Variants in ESRRG observed in about 807,000 individuals in gnomAD.
The protein encoded by ESRRG is estrogen related receptor gamma.
A neutral mutation model predicts 44.0 loss-of-function variants in ESRRG; 13 were observed. The ratio of observed to expected loss-of-function variants is 0.30; its 90% CI spans 0.19 to 0.47. ESRRG has a LOEUF of 0.47. ESRRG is among the 20% of genes least tolerant of loss of function. ESRRG has a pLI of 1.00. For missense variants in ESRRG, 395 were observed against 580.6 expected (o/e 0.68, Z 3.29); for synonymous variants, 215 against 214.6 (o/e 1.00, Z -0.02).
chr1:216,811,523 C>G (rs2094968873), intron 2 of ESRRG, among the ~76,000 whole-genome samples: 1 of 152,272 alleles, frequency 6.6e-6, no homozygotes, highest in East Asian at 1.9e-4. Flanking sequence ...TCTGCATATT[C>G]ATTATGAAGA....
intron 5 of ESRRG, among the ~76,000 whole-genome samples, chr1:216,524,192 A>C (rs1015021574): frequency 2.0e-5 from 3 of 149,548 alleles, no homozygotes; most frequent in Non-Finnish European, 3.0e-5. Context: ...CAAAATACAC[A>C]GCTCAGGGGC....
intron 3 of ESRRG, among the ~76,000 whole-genome samples, chr1:216,611,426 G>A (rs912573537): frequency 5.9e-5 from 9 of 151,812 alleles, no homozygotes; most frequent in Admixed American, 2.6e-4. Context: ...ATCTTATAAA[G>A]GTGTGTATAA....
chr1:216,525,022 G>C (rs2047211758), intron 5 of ESRRG, among the ~76,000 whole-genome samples: 1 of 152,146 alleles, frequency 6.6e-6, no homozygotes, highest in East Asian at 1.9e-4. Flanking sequence ...CCAATCATAG[G>C]AACAGAAATT....
At chr1:216,829,429 T>C (rs529358774) in intron 2 of ESRRG, among the ~76,000 whole-genome samples, 3 of 152,172 alleles carry the variant, frequency 2.0e-5, no homozygotes, top group Non-Finnish European at 4.4e-5. Context: ...GATACTATTA[T>C]TCTCATTTTA....
intron 2 of ESRRG, among the ~76,000 whole-genome samples, chr1:216,910,383 T>C (rs2060170073): frequency 6.6e-6 from 1 of 152,144 alleles, no homozygotes; most frequent in Admixed American, 6.6e-5. Flanking sequence ...ACTAATTATT[T>C]TTAGGATTTT....
At chr1:217,044,269 C>A (rs547275655) in intron 1 of ESRRG, among the ~76,000 whole-genome samples, 128 of 152,220 alleles carry the variant, frequency 8.4e-4, no homozygotes, top group Non-Finnish European at 6.3e-4. Flanking sequence ...TGTGACTAGC[C>A]ACTGCACATT....
At chr1:216,987,997 T>G (rs1423716343) in intron 1 of ESRRG, among the ~76,000 whole-genome samples, 1 of 152,092 alleles carries the variant, frequency 6.6e-6, no homozygotes, top group Non-Finnish European at 1.5e-5. Context: ...AACAAAACCT[T>G]TTATTGGCTG....
intron 1 of ESRRG, among the ~76,000 whole-genome samples, chr1:217,103,492 A>T (rs2092548196): frequency 6.6e-6 from 1 of 151,534 alleles, no homozygotes. Context: ...CAAAAAAAAA[A>T]AAAATCAAAA....
In ESRRG at chr1:216,505,613, G is replaced by C. The variant is rs949357114; in HGVS notation, c.*1326C>G. 2 of 152,526 alleles carry C rather than the reference G, an allele frequency of 1.3e-5. No homozygotes were observed. Among genetic ancestry groups the C allele is most frequent in the Non-Finnish European group, 2.9e-5 (2 of 68,034 alleles). 9.4% of individuals were successfully genotyped at this position (152,526 alleles called of 1,614,324 possible). A position where few individuals can be genotyped will look rare whatever the true frequency, so the allele number is the denominator to read the frequency against. Reference sequence around the variant, plus strand: ...ATATGGCAATTGTACCTCCCAAGTAGAGAGGTGCACTCCTGACAATTCTAC... The same window carrying C: ...ATATGGCAATTGTACCTCCCAAGTACAGAGGTGCACTCCTGACAATTCTAC... On this transcript the variant is annotated 3_prime_UTR_variant, in exon 7 of 7. Transcript: ENST00000408911.
chr1:216,554,599 G>T (rs1041896640), intron 5 of ESRRG, among the ~76,000 whole-genome samples: 2 of 152,088 alleles, frequency 1.3e-5, no homozygotes, highest in African/African-American at 4.8e-5. Flanking sequence ...TCATGCCACT[G>T]CATTCCAGCC....
intron 5 of ESRRG, among the ~76,000 whole-genome samples, chr1:216,535,060 A>G (rs1365827374): frequency 1.3e-5 from 2 of 152,158 alleles, no homozygotes; most frequent in African/African-American, 2.4e-5. Context: ...GTTAGGGTGT[A>G]TGGGTGTATG....
intron 2 of ESRRG, among the ~76,000 whole-genome samples, chr1:216,818,786 C>A (rs114647584): frequency 0.016 from 2,413 of 152,178 alleles, 80 homozygotes; most frequent in African/African-American, 0.055. Context: ...CTACCGCAGC[C>A]CCCAGTGTGT....
intron 2 of ESRRG, 28 bp from the exon 3 acceptor site, chr1:216,651,117 T>C (rs368067487): frequency 5.0e-6 from 7 of 1,406,468 alleles, no homozygotes; most frequent in Non-Finnish European, 7.1e-6. Flanking sequence ...AGAAAAGTTG[T>C]CATATTTACA....
upstream of ESRRG, among the ~76,000 whole-genome samples, chr1:217,093,239 G>A (rs1454525896): frequency 1.3e-5 from 2 of 152,134 alleles, no homozygotes; most frequent in East Asian, 3.9e-4. Flanking sequence ...ACCATTCTGG[G>A]CCTCAGTTCC....
At chr1:216,624,925 C>A (rs2062909623) in intron 3 of ESRRG, among the ~76,000 whole-genome samples, 2 of 152,132 alleles carry the variant, frequency 1.3e-5, no homozygotes, top group South Asian at 4.1e-4. Flanking sequence ...TTCCTCAATT[C>A]TGTTACTTGG....
At chr1:216,972,549 G>T (rs2071906988) in intron 1 of ESRRG, among the ~76,000 whole-genome samples, 1 of 152,186 alleles carries the variant, frequency 6.6e-6, no homozygotes, top group Non-Finnish European at 1.5e-5. Flanking sequence ...TTAGGAATGT[G>T]TCACATTGAC....
chr1:216,601,534 C>A (rs2059259545), intron 3 of ESRRG, among the ~76,000 whole-genome samples: 1 of 152,154 alleles, frequency 6.6e-6, no homozygotes, highest in African/African-American at 2.4e-5. Flanking sequence ...AAGAAGACTT[C>A]AAAGTGAATA....
chr1:216,960,988 C>T (rs2068929887), intron 1 of ESRRG, among the ~76,000 whole-genome samples: 1 of 152,102 alleles, frequency 6.6e-6, no homozygotes, highest in Non-Finnish European at 1.5e-5. Flanking sequence ...TTTGCTCATC[C>T]TTTTGCAAGC....
chr1:216,727,753 C>T (rs542030407), upstream of ESRRG, among the ~76,000 whole-genome samples: 31 of 152,046 alleles, frequency 2.0e-4, no homozygotes, highest in Non-Finnish European at 3.4e-4. Context: ...AAAACCCTTC[C>T]TTTTGACAAA....
Sources: allele counts gnomAD v4.1 joint callset (sites outside exome capture counted in the v4.1 genomes callset), GRCh38; gene constraint gnomAD v4.1.1; transcripts MANE v1.5; gene names NCBI Gene and HGNC (gene_info 2026-07-23, HGNC 2026-07-21).